ERCC6: variants seen among roughly 807,000 people sequenced by gnomAD.
ERCC6 encodes DNA excision repair protein ERCC-6.
A neutral mutation model predicts 158.7 loss-of-function variants in ERCC6; 116 were observed. The ratio of observed to expected loss-of-function variants is 0.73; its 90% CI spans 0.63 to 0.85. The LOEUF is 0.85. Among genes scored for constraint, ERCC6 ranks in the 40% least tolerant of loss-of-function variants. ERCC6 has a pLI of 0.00. For synonymous variants in ERCC6, 678 were observed against 659.3 expected, an observed-to-expected ratio of 1.03 and a Z score of -0.43; for missense variants, 1,698 against 1,799.4, an observed-to-expected ratio of 0.94 and a Z score of 1.02.
At chr10:49,524,826 G>A (rs549214715) in intron 4 of ERCC6, 49 bp from the exon 5 acceptor site, 84 of 1,595,988 alleles carry the variant, frequency 5.3e-5, no homozygotes, top group South Asian at 4.4e-4. Flanking sequence ...AACTTTCCGA[G>A]GGTACAAAAG....
chr10:49,470,870 C>G lies in ERCC6; in HGVS notation c.3090G>C (p.Gln1030His). 1 of 1,613,880 alleles carries G rather than the reference C, an allele frequency of 6.2e-7. No individual in the cohort carries two copies. The highest frequency in any genetic ancestry group is 8.5e-7 in the Non-Finnish European group (1 of 1,179,858). Reference protein sequence around the residue: ...AIFAGTGSDVQTPKCHLKRRI... With the variant: ...AIFAGTGSDVHTPKCHLKRRI... Reference sequence around the variant, plus strand: ...TTCTTTTTAGATGGCATTTGGGTGTCTGAACATCTGATCCAGTTCCTGTAA... The same window carrying G: ...TTCTTTTTAGATGGCATTTGGGTGTGTGAACATCTGATCCAGTTCCTGTAA... The change falls in exon 18 of 21, where the codon CAG becomes CAC. Residue 1030 changes from glutamine (Q) to histidine (H), a missense_variant. Transcript: ENST00000355832.
intron 5 of ERCC6, among the ~76,000 whole-genome samples, chr10:49,518,930 A>G (rs1259150251): frequency 6.6e-6 from 1 of 152,230 alleles, no homozygotes; most frequent in Admixed American, 6.5e-5. Flanking sequence ...AAAATAGGGC[A>G]CAAGAAAAAC....
At chr10:49,436,007 A>G in the ERCC6 span, among the ~76,000 whole-genome samples, 2 of 35,312 alleles carry the variant, frequency 5.7e-5, no homozygotes, top group Non-Finnish European at 1.2e-4. Flanking sequence ...CTCAAAAAAA[A>G]GAAAGAAAGA....
chr10:49,537,382 A>C (rs934686884), intron 1 of ERCC6, among the ~76,000 whole-genome samples: 2 of 151,668 alleles, frequency 1.3e-5, no homozygotes, highest in Admixed American at 1.3e-4. Flanking sequence ...TCATACATTT[A>C]ACAAATAGTT....
In ERCC6 at chr10:49,519,163, T is replaced by C. The variant is rs577856375; in HGVS notation, c.1397+4870A>G. ...AGTCCAATGGAGGTGGGGGCAGCTA[T>C]GTGTTGATTTTTGGCACCACCCTGT... On this transcript the variant is annotated intron_variant, in intron 5 of 20. Coordinates refer to ENST00000355832, the MANE Select transcript of ERCC6 (RefSeq NM_000124.4). 3.9e-5 allele frequency among the ~76,000 whole-genome samples: 6 copies of C among 152,282 alleles called. No individual in the cohort carries two copies. In the South Asian group the frequency reaches 1.0e-3, roughly 26 times the overall value.
In ERCC6 at chr10:49,532,623, G is replaced by A. The variant is rs1269544932; in HGVS notation, c.342C>T (p.Asp114=). 1 of 1,614,072 alleles carries A rather than the reference G, an allele frequency of 6.2e-7. No individual in the cohort carries two copies. Among genetic ancestry groups the A allele is most frequent in the Non-Finnish European group, 8.5e-7 (1 of 1,180,044 alleles). ...VLEQGVLQQV[D]NAIHEASRAS... ...CACGGCTGGCCTCATGGATGGCATT[G>A]TCCACCTGCTGAAGCACTCCCTGTT... The change falls in exon 2 of 21, where the codon GAC becomes GAT. Residue 114 remains aspartate (D), a synonymous_variant. Coordinates refer to ENST00000355832, the MANE Select transcript of ERCC6 (RefSeq NM_000124.4).
At chr10:49,481,850 C>T (rs1850985365) in intron 10 of ERCC6, among the ~76,000 whole-genome samples, 1 of 152,184 alleles carries the variant, frequency 6.6e-6, no homozygotes, top group Non-Finnish European at 1.5e-5. Flanking sequence ...TTTCTCAGAC[C>T]ACCACCCAAG....
At chr10:49,453,138 C>T (rs1039151112), downstream of ERCC6, among the ~76,000 whole-genome samples, 3 of 151,908 alleles carry the variant, frequency 2.0e-5, no homozygotes, top group African/African-American at 7.3e-5. Context: ...CCTTTTGCAT[C>T]GAGTATTTTC....
intron 5 of ERCC6, chr10:49,515,901 C>T: frequency 6.2e-7 from 1 of 1,614,160 alleles, no homozygotes; most frequent in Non-Finnish European, 8.5e-7. Flanking sequence ...ATTGCCTTTG[C>T]CATCAATTCG....
intron 5 of ERCC6, among the ~76,000 whole-genome samples, chr10:49,522,291 T>G (rs1201748700): frequency 1.3e-5 from 2 of 152,188 alleles, no homozygotes; most frequent in Non-Finnish European, 2.9e-5. Context: ...CTAATATGCT[T>G]CTCAATCCTG....
chr10:49,536,684 G>A (rs1837606718), intron 1 of ERCC6, among the ~76,000 whole-genome samples: 1 of 152,178 alleles, frequency 6.6e-6, no homozygotes, highest in Admixed American at 6.5e-5. Context: ...GGACCTACCT[G>A]AGGATCTCCC....
At chr10:49,516,457 C>T in intron 5 of ERCC6, 1 of 1,614,120 alleles carries the variant, frequency 6.2e-7, no homozygotes, top group Middle Eastern at 1.6e-4. Flanking sequence ...TCAAACCGGT[C>T]ACGTCTCATG....
chr10:49,530,241 A>T (rs1230977647), intron 3 of ERCC6, among the ~76,000 whole-genome samples: 1 of 152,180 alleles, frequency 6.6e-6, no homozygotes, highest in African/African-American at 2.4e-5. Flanking sequence ...ACTTTTCTCA[A>T]ATACACAGAT....
At chr10:49,481,810 A>C (rs1460675346) in intron 10 of ERCC6, among the ~76,000 whole-genome samples, 1 of 152,120 alleles carries the variant, frequency 6.6e-6, no homozygotes, top group African/African-American at 2.4e-5. Context: ...TCTGCCTAAA[A>C]ATGCCACCTG....
intron 5 of ERCC6, chr10:49,506,324 G>C (rs972963534): frequency 1.6e-5 from 6 of 369,068 alleles, no homozygotes; most frequent in African/African-American, 1.0e-4. Flanking sequence ...TGGTTCGTAA[G>C]ACATGAAATT....
At chr10:49,478,037 G>A (rs1033823128) in intron 11 of ERCC6, among the ~76,000 whole-genome samples, 1 of 152,210 alleles carries the variant, frequency 6.6e-6, no homozygotes, top group Non-Finnish European at 1.5e-5. Flanking sequence ...GTTCACTGCT[G>A]TATCTCAGAG....
intron 8 of ERCC6, among the ~76,000 whole-genome samples, chr10:49,483,833 CAAT>C (rs1185227291): frequency 6.6e-6 from 1 of 151,380 alleles, no homozygotes; most frequent in Non-Finnish European, 1.5e-5. Flanking sequence ...GTCAAAACAA[CAAT>C]GTGGATGGAA....
chr10:49,500,566 TGCTGTA>T lies in ERCC6; in HGVS notation c.1651_1656del (p.Tyr551_Ser552del). Reference sequence around the variant, plus strand: ...TAATTTGAACCACGAGTCCTGATCTTGCTGTAGCTCAGACCTGCCAAGAAGGCAATT... The same window carrying T: ...TAATTTGAACCACGAGTCCTGATCTTGCTCAGACCTGCCAAGAAGGCAATT... On this transcript the variant is annotated inframe_deletion, in exon 7 of 21. Transcript: ENST00000355832. 1 of 1,613,956 alleles carries T rather than the reference TGCTGTA, an allele frequency of 6.2e-7. No homozygotes were observed. Among genetic ancestry groups the T allele is most frequent in the Non-Finnish European group, 8.5e-7 (1 of 1,179,868 alleles).
chr10:49,516,163 G>A, intron 5 of ERCC6: 1 of 1,614,120 alleles, frequency 6.2e-7, no homozygotes, highest in South Asian at 1.1e-5. Flanking sequence ...TTAGTATTTG[G>A]GTTTTTACCC....
Sources: gnomAD v4.1 joint callset for allele counts (sites outside exome capture counted in the v4.1 genomes callset) on GRCh38, gnomAD v4.1.1 for gene constraint, MANE v1.5 for transcripts, NCBI Gene and HGNC (gene_info 2026-07-23, HGNC 2026-07-21) for gene names.